Variants in CAB39L observed in about 807,000 individuals in gnomAD.
CAB39L encodes calcium binding protein 39 like.
In CAB39L, 23 loss-of-function variants were observed where a neutral mutation model predicts 39.1. That is an observed-to-expected ratio of 0.59 (90% CI 0.42 to 0.83). The LOEUF (loss-of-function observed/expected upper bound fraction) is 0.83, where lower values mean the gene tolerates loss of function less well. CAB39L is among the 40% of genes least tolerant of loss of function. CAB39L has a pLI of 0.00. For missense variants in CAB39L, 366 were observed against 391.9 expected, an observed-to-expected ratio of 0.93 and a Z score of 0.56; for synonymous variants, 126 against 137.2, an observed-to-expected ratio of 0.92 and a Z score of 0.57.
intron 3 of CAB39L, among the ~76,000 whole-genome samples, chr13:49,430,213 A>C (rs1185466416): frequency 6.6e-6 from 1 of 152,234 alleles, no homozygotes; most frequent in African/African-American, 2.4e-5. Flanking sequence ...CACTTAACTA[A>C]AGATGCCCTT....
chr13:49,394,865 T>C lies in CAB39L; in HGVS notation c.-31-11924A>G, dbSNP rs76255412. Among the ~76,000 whole-genome samples the C allele has an allele frequency of 4.6e-3, 699 of 152,284 alleles. 6 individuals are homozygous for C. Among genetic ancestry groups the C allele is most frequent in the African/African-American group, 0.016 (669 of 41,554 alleles). ...GCGACTTATTAAATTTGATGAAATATGTCTAGGAAAATATTTCCAAAGAAT... is the reference window on the plus strand; with the variant it reads ...GCGACTTATTAAATTTGATGAAATACGTCTAGGAAAATATTTCCAAAGAAT... On this transcript the variant is annotated intron_variant, in intron 3 of 10. Coordinates refer to ENST00000409308, the MANE Select transcript of CAB39L (RefSeq NM_001079670.3).
At position 49,382,738 on chromosome 13, in the gene CAB39L, C is replaced by A. The variant is rs1956274278; in HGVS notation, c.111+62G>T. On this transcript the variant is annotated intron_variant, in intron 4 of 10. Transcript: ENST00000409308. The stretch of plus-strand genomic sequence containing the variant: ...TTTTGAATTCTTCATTAAGCTTTTA[C>A]ATTGGTTTTTGGCATTGCGATGCAT... 42 of 978,210 alleles carry A rather than the reference C, an allele frequency of 4.3e-5. No homozygotes were observed. In the South Asian group the frequency reaches 5.4e-4, roughly 13 times the overall value. 60.6% of individuals were successfully genotyped at this position (978,210 alleles called of 1,614,324 possible).
At chr13:49,405,167 C>T (rs1039935525) in intron 3 of CAB39L, among the ~76,000 whole-genome samples, 4 of 151,860 alleles carry the variant, frequency 2.6e-5, no homozygotes, top group Non-Finnish European at 5.9e-5. Context: ...AAAGAAAGAT[C>T]CTAAAAGCAG....
chr13:49,329,723 C>A (rs188508948), intron 10 of CAB39L, among the ~76,000 whole-genome samples: 134 of 151,728 alleles, frequency 8.8e-4, no homozygotes, highest in African/African-American at 2.7e-3. Flanking sequence ...ACTAAACATT[C>A]TTTATAAAAA....
chr13:49,314,603 G>A (rs1325543280), intron 10 of CAB39L, among the ~76,000 whole-genome samples: 7 of 152,190 alleles, frequency 4.6e-5, no homozygotes, highest in Non-Finnish European at 5.9e-5. Flanking sequence ...TATAAGAGCT[G>A]TTATCCTCAT....
At chr13:49,434,897 G>C (rs1957385135) in intron 1 of CAB39L, among the ~76,000 whole-genome samples, 1 of 151,702 alleles carries the variant, frequency 6.6e-6, no homozygotes, top group African/African-American at 2.4e-5. Context: ...GTGTAAACTT[G>C]TTTCATTTCC....
At chr13:49,420,138 A>G (rs1384005454) in intron 3 of CAB39L, among the ~76,000 whole-genome samples, 1 of 152,208 alleles carries the variant, frequency 6.6e-6, no homozygotes, top group African/African-American at 2.4e-5. Context: ...AATTATTTTA[A>G]TATTCTTTAA....
intron 3 of CAB39L, among the ~76,000 whole-genome samples, chr13:49,414,921 C>T (rs1258087618): frequency 6.6e-6 from 1 of 152,076 alleles, no homozygotes; most frequent in Non-Finnish European, 1.5e-5. Flanking sequence ...TTGCTGGGCA[C>T]GGTGGCTCAT....
intron 9 of CAB39L, among the ~76,000 whole-genome samples, chr13:49,335,083 C>G (rs573694334): frequency 6.6e-6 from 1 of 152,200 alleles, no homozygotes; most frequent in South Asian, 2.1e-4. Context: ...GGCTTCCAGA[C>G]CCTCCAAAAA....
At position 49,373,772 on chromosome 13, in the gene CAB39L, C is replaced by CT. The variant is rs532450923; in HGVS notation, c.276+3194dup. ...CGTACTCAAGGTAACACAGAAGTGGCTGTCCCAGTGCAAGCCATGAACCAA... is the reference window on the plus strand; with the variant it reads ...CGTACTCAAGGTAACACAGAAGTGGCTTGTCCCAGTGCAAGCCATGAACCAA... On this transcript the variant is annotated intron_variant, in intron 5 of 10. Transcript: ENST00000409308. Among the ~76,000 whole-genome samples, 357 of 104,926 alleles carry CT rather than the reference C, an allele frequency of 3.4e-3. 12 individuals are homozygous for CT. The South Asian group carries it at 0.068, about 20-fold the overall frequency. 68.8% of individuals were successfully genotyped at this position (104,926 alleles called of 152,430 possible). A position where few individuals can be genotyped will look rare whatever the true frequency, so the allele number is the denominator to read the frequency against.
chr13:49,402,223 CA>C (rs36030112), intron 3 of CAB39L, among the ~76,000 whole-genome samples: 1 of 151,886 alleles, frequency 6.6e-6, no homozygotes, highest in African/African-American at 2.4e-5. Flanking sequence ...CTAAAGGCTA[CA>C]AAAAATTATT....
chr13:49,310,758 C>T lies in CAB39L; in HGVS notation c.*56G>A. On this transcript the variant is annotated 3_prime_UTR_variant, in exon 11 of 11. Transcript: ENST00000409308. ...AGAATGATGACTTTCTGAAATGACA[C>T]ACTGTACAAACTGGACAAATGAGAC... 6.5e-7 allele frequency: 1 copy of T among 1,539,012 alleles called. No individual in the cohort carries two copies. Among genetic ancestry groups the T allele is most frequent in the Non-Finnish European group, 8.8e-7 (1 of 1,133,830 alleles).
intron 3 of CAB39L, among the ~76,000 whole-genome samples, chr13:49,395,604 G>A (rs1003613326): frequency 7.9e-5 from 12 of 152,104 alleles, no homozygotes; most frequent in African/African-American, 2.7e-4. Context: ...GTAGTACTTG[G>A]CTCAGATTCT....
chr13:49,363,471 G>A (rs1367013068), intron 5 of CAB39L, among the ~76,000 whole-genome samples: 1 of 151,750 alleles, frequency 6.6e-6, no homozygotes, highest in Non-Finnish European at 1.5e-5. Context: ...ATGCCTCATG[G>A]TAACCTCAAA....
At chr13:49,373,143 TTCTGGATACC>T (rs1955965101) in intron 5 of CAB39L, among the ~76,000 whole-genome samples, 1 of 152,190 alleles carries the variant, frequency 6.6e-6, no homozygotes, top group Non-Finnish European at 1.5e-5. Flanking sequence ...TTTGTCATGG[TTCTGGATACC>T]TCTCTCTCCC....
At chr13:49,433,471 G>A in intron 2 of CAB39L, 78 bp from the exon 3 acceptor site, 1 of 402,630 alleles carries the variant, frequency 2.5e-6, no homozygotes, top group South Asian at 1.8e-5. Context: ...TTGCTTTCAG[G>A]TATACAGAAT....
chr13:49,395,648 C>T (rs537958352), intron 3 of CAB39L, among the ~76,000 whole-genome samples: 14 of 152,234 alleles, frequency 9.2e-5, no homozygotes, highest in Non-Finnish European at 1.5e-4. Context: ...TCCAACTCTG[C>T]TCCCAGGGAA....
At chr13:49,366,619 C>A (rs1280937896) in intron 5 of CAB39L, among the ~76,000 whole-genome samples, 61 of 113,298 alleles carry the variant, frequency 5.4e-4, no homozygotes, top group Middle Eastern at 5.6e-3. Flanking sequence ...AAGAGCGAAA[C>A]TCTGTCTAAA....
chr13:49,431,758 T>C (rs1415168392), intron 3 of CAB39L, among the ~76,000 whole-genome samples: 1 of 151,678 alleles, frequency 6.6e-6, no homozygotes, highest in Non-Finnish European at 1.5e-5. Context: ...GTAAAAAAAA[T>C]CTACCTACCA....
Sources: allele counts gnomAD v4.1 joint callset (sites outside exome capture counted in the v4.1 genomes callset), GRCh38; gene constraint gnomAD v4.1.1; transcripts MANE v1.5; gene names NCBI Gene and HGNC (gene_info 2026-07-23, HGNC 2026-07-21).